The following TMEM200A variants were observed in gnomAD, a reference collection of about 807,000 sequenced individuals.
TMEM200A encodes two transmembrane C.
A neutral mutation model predicts 24.3 loss-of-function variants in TMEM200A; 12 were observed. That is an observed-to-expected ratio of 0.49 (90% confidence interval 0.32 to 0.80). The LOEUF (loss-of-function observed/expected upper bound fraction) is 0.80. Among genes scored for constraint, TMEM200A ranks in the 30% least tolerant of loss-of-function variants. TMEM200A has a pLI of 0.04. For synonymous variants in TMEM200A, 224 were observed against 224.4 expected, an observed-to-expected ratio of 1.00 and a Z score of 0.02; for missense variants, 545 against 614.4, an observed-to-expected ratio of 0.89 and a Z score of 1.19.
upstream of TMEM200A, chr6:130,365,653 G>C: frequency 1.0e-6 from 1 of 985,432 alleles, no homozygotes. Context: ...AGCTAGAGGC[G>C]GGCCCCACGG....
intron 2 of TMEM200A, among the ~76,000 whole-genome samples, chr6:130,417,875 T>G (rs752342870): frequency 5.9e-5 from 9 of 151,922 alleles, no homozygotes; most frequent in Non-Finnish European, 1.2e-4. Flanking sequence ...CTCCAACGCA[T>G]ATGTATACTC....
At chr6:130,428,859 A>G (rs925558360) in intron 2 of TMEM200A, among the ~76,000 whole-genome samples, 11 of 152,344 alleles carry the variant, frequency 7.2e-5, no homozygotes, top group African/African-American at 1.2e-4. Flanking sequence ...GTGGTTTAGT[A>G]CAAAATCAAT....
intron 2 of TMEM200A, among the ~76,000 whole-genome samples, chr6:130,395,928 A>T (rs1778942229): frequency 6.6e-6 from 1 of 152,206 alleles, no homozygotes; most frequent in Admixed American, 6.5e-5. Context: ...TAGTGCCTTT[A>T]GTGGCTAAAA....
chr6:130,387,403 G>T (rs1340326082), intron 2 of TMEM200A, among the ~76,000 whole-genome samples: 6 of 152,136 alleles, frequency 3.9e-5, no homozygotes, highest in African/African-American at 1.4e-4. Flanking sequence ...CTCCTGAGTA[G>T]CTGGGATTAC....
At chr6:130,412,970 A>G (rs1190109000) in intron 2 of TMEM200A, among the ~76,000 whole-genome samples, 1 of 152,218 alleles carries the variant, frequency 6.6e-6, no homozygotes, top group African/African-American at 2.4e-5. Flanking sequence ...ATGAATGTAT[A>G]TTTATAACAT....
upstream of TMEM200A, chr6:130,365,985 G>T (rs552028384): frequency 5.2e-5 from 51 of 985,564 alleles, no homozygotes; most frequent in East Asian, 5.5e-3. Flanking sequence ...CCTCTTCGGG[G>T]CTTTATGGCG....
intron 2 of TMEM200A, among the ~76,000 whole-genome samples, chr6:130,400,107 T>TACAC (rs563062452): frequency 6.0e-5 from 9 of 150,474 alleles, no homozygotes; most frequent in East Asian, 3.9e-4. Context: ...TATATATATA[T>TACAC]ACACACACAC....
chr6:130,435,244 G>A (rs1779973861), intron 2 of TMEM200A, among the ~76,000 whole-genome samples: 1 of 151,932 alleles, frequency 6.6e-6, no homozygotes, highest in Non-Finnish European at 1.5e-5. Context: ...CTTGGCCTTC[G>A]GAAGTTGCTA....
intron 2 of TMEM200A, among the ~76,000 whole-genome samples, chr6:130,424,637 T>C (rs1779684980): frequency 6.6e-6 from 1 of 152,186 alleles, no homozygotes; most frequent in Admixed American, 6.5e-5. Context: ...TCAATTTGAA[T>C]GAGTCCTGAG....
upstream of TMEM200A, chr6:130,365,723 G>A (rs1583162352): frequency 2.0e-6 from 2 of 985,398 alleles, no homozygotes; most frequent in Non-Finnish European, 1.2e-6. Context: ...CTGCAAGCGG[G>A]TACTTTGTTC....
In TMEM200A at chr6:130,366,017, A is replaced by C. The variant is rs187327573; in HGVS notation, c.-588A>C. ...GGCGTGAGGTTTGGGGCTGGGATCC[A>C]TCTGGAGCCGAGCAGAAAACTTTTC... On this transcript the variant is annotated 5_prime_UTR_variant, in exon 1 of 3. Coordinates refer to ENST00000296978, the MANE Select transcript of TMEM200A (RefSeq NM_001258277.2). This position sits in a 1 kb window ranked among gnomAD's most constrained non-coding sequence, Gnocchi z 4.4. 725 of 985,392 alleles carry C rather than the reference A, an allele frequency of 7.4e-4. 9 individuals carry two copies. In the African/African-American group the frequency reaches 8.0e-3, roughly 11 times the overall value. The allele number at this position is 985,392 out of a possible 1,614,324, so 61.0% of individuals were successfully genotyped here.
chr6:130,373,898 A>T (rs1415083186), intron 1 of TMEM200A, among the ~76,000 whole-genome samples: 1 of 152,192 alleles, frequency 6.6e-6, no homozygotes, highest in Non-Finnish European at 1.5e-5. Context: ...TTTAAATTTA[A>T]AAAAGCCACC....
intron 1 of TMEM200A, among the ~76,000 whole-genome samples, chr6:130,372,812 A>G (rs1436762822): frequency 6.6e-6 from 1 of 152,238 alleles, no homozygotes; most frequent in East Asian, 1.9e-4. Context: ...AAGGTGTATA[A>G]AAATAGAAGT....
At position 130,366,570 on chromosome 6, in the gene TMEM200A, G is replaced by A. The variant is rs961982648; in HGVS notation, c.-81+46G>A. On this transcript the variant is annotated intron_variant, in intron 1 of 2. Transcript: ENST00000296978. This position sits in a 1 kb window ranked among gnomAD's most constrained non-coding sequence, Gnocchi z 4.4. ...CTGACGGGAGTGGGGAGGTGGGTGGGCGGCCACCGCAGCCGAAACCGGGCA... is the reference window on the plus strand; with the variant it reads ...CTGACGGGAGTGGGGAGGTGGGTGGACGGCCACCGCAGCCGAAACCGGGCA... 34 of 985,086 alleles carry A rather than the reference G, an allele frequency of 3.5e-5. No homozygotes were observed. The highest frequency in any genetic ancestry group is 6.1e-5 in the Admixed American group (1 of 16,268). 61.0% of individuals were successfully genotyped at this position (985,086 alleles called of 1,614,324 possible).
chr6:130,398,973 G>C (rs902647156), intron 2 of TMEM200A, among the ~76,000 whole-genome samples: 2 of 151,604 alleles, frequency 1.3e-5, no homozygotes, highest in Non-Finnish European at 2.9e-5. Context: ...TTATTTCATT[G>C]ATGATCCATG....
intron 1 of TMEM200A, among the ~76,000 whole-genome samples, chr6:130,374,076 C>T (rs1335670706): frequency 6.6e-6 from 1 of 152,124 alleles, no homozygotes; most frequent in Non-Finnish European, 1.5e-5. Flanking sequence ...AAAAAAGTAG[C>T]TTGTGAATGA....
chr6:130,433,057 G>A (rs968311285), intron 2 of TMEM200A, among the ~76,000 whole-genome samples: 2 of 151,918 alleles, frequency 1.3e-5, no homozygotes, highest in Admixed American at 1.3e-4. Context: ...ATCAAATGAG[G>A]AAGCAAAGAC....
At chr6:130,408,587 A>ATT (rs1378307713) in intron 2 of TMEM200A, among the ~76,000 whole-genome samples, 13 of 152,104 alleles carry the variant, frequency 8.5e-5, no homozygotes, top group African/African-American at 3.1e-4. Context: ...GCATGAGGAA[A>ATT]TATCTGTGGC....
intron 1 of TMEM200A, among the ~76,000 whole-genome samples, chr6:130,381,443 G>A (rs1778593144): frequency 6.6e-6 from 1 of 152,172 alleles, no homozygotes; most frequent in African/African-American, 2.4e-5. Flanking sequence ...TGAGGGAAGT[G>A]GCACTGTTTT....
Sources: gnomAD v4.1 joint callset for allele counts (sites outside exome capture counted in the v4.1 genomes callset) on GRCh38, gnomAD v4.1.1 for gene constraint, Gnocchi (gnomAD v3.1) non-coding constraint, MANE v1.5 for transcripts, NCBI Gene and HGNC (gene_info 2026-07-23, HGNC 2026-07-21) for gene names.